The following ZFYVE16 variants were observed in gnomAD, a reference collection of about 807,000 sequenced individuals.
ZFYVE16 encodes zinc finger FYVE-type containing 16.
ZFYVE16 carries 89 observed loss-of-function variants against 138.1 expected under a neutral mutation model. The ratio of observed to expected loss-of-function variants is 0.64; its 90% CI spans 0.54 to 0.77. ZFYVE16 has a LOEUF of 0.77. ZFYVE16 is among the 30% of genes least tolerant of loss of function. ZFYVE16 has a pLI of 0.00. For synonymous variants in ZFYVE16, 596 were observed against 618.3 expected, an observed-to-expected ratio of 0.96 and a Z score of 0.53; for missense variants, 1,793 against 1,786.7, an observed-to-expected ratio of 1.00 and a Z score of -0.06.
At chr5:80,410,410 G>C (rs1745244407) in intron 1 of ZFYVE16, 1 of 151,936 alleles carries the variant, frequency 6.6e-6, no homozygotes, top group African/African-American at 2.4e-5. Flanking sequence ...GGCAATAAAT[G>C]GTATATGTTC....
At chr5:80,415,679 T>C (rs906189706) in intron 1 of ZFYVE16, among the ~76,000 whole-genome samples, 3 of 152,200 alleles carry the variant, frequency 2.0e-5, no homozygotes, top group African/African-American at 7.2e-5. Context: ...ACTTTTCTTT[T>C]TTTTTTGAGA....
chr5:80,424,912 A>C (rs1416121972), intron 1 of ZFYVE16, among the ~76,000 whole-genome samples: 1 of 152,206 alleles, frequency 6.6e-6, no homozygotes, highest in Non-Finnish European at 1.5e-5. Context: ...ATTCTTCTGA[A>C]GTGTACCTGT....
intron 12 of ZFYVE16, 29 bp downstream of exon 12, chr5:80,455,803 T>C: frequency 1.3e-6 from 2 of 1,517,362 alleles, no homozygotes; most frequent in Non-Finnish European, 1.8e-6. Context: ...TTATTAGGTA[T>C]TTTTATACTG....
chr5:80,443,696 C>A (rs1750981753), intron 6 of ZFYVE16: 2 of 456,696 alleles, frequency 4.4e-6, no homozygotes, highest in Non-Finnish European at 8.8e-6. Flanking sequence ...ATGAGTCTAG[C>A]AGCTGTATCT....
intron 1 of ZFYVE16, among the ~76,000 whole-genome samples, chr5:80,418,450 C>G (rs1459321957): frequency 6.6e-6 from 1 of 151,906 alleles, no homozygotes; most frequent in Non-Finnish European, 1.5e-5. Context: ...GTAGCTAGAA[C>G]TATAGGTATG....
At chr5:80,447,916 G>T (rs1011919010) in intron 7 of ZFYVE16, 110 bp from the exon 8 acceptor site, 3 of 1,010,032 alleles carry the variant, frequency 3.0e-6, no homozygotes, top group Non-Finnish European at 1.3e-6. Flanking sequence ...ACGCATTTTG[G>T]TTTTTATTTA....
chr5:80,443,130 A>T lies in ZFYVE16; in HGVS notation c.2427A>T (p.Ala809=). Residue 809 remains alanine, a synonymous_variant, in exon 6 of 19, where the codon GCA becomes GCT. Coordinates refer to ENST00000505560, the MANE Select transcript of ZFYVE16 (RefSeq NM_001284236.3). ...VCYETISKAQ[A]FERMMSPTGS... ...TTGTTTTCCCCTTTATAGCTCAGGC[A>T]TTTGAAAGGATGATGAGTCCAACTG... The T allele has an allele frequency of 6.5e-7, 1 of 1,545,628 alleles. No individual in the cohort carries two copies. The highest frequency in any genetic ancestry group is 8.6e-7 in the Non-Finnish European group (1 of 1,158,144).
At chr5:80,409,017 C>T (rs1745052166) in intron 1 of ZFYVE16, among the ~76,000 whole-genome samples, 1 of 152,128 alleles carries the variant, frequency 6.6e-6, no homozygotes, top group East Asian at 1.9e-4. Context: ...TATTAAACCG[C>T]ATGCTTAGTG....
rs6870486 is a variant in ZFYVE16, at chr5:80,432,923, C to A, written c.-39-1186C>A. Among the ~76,000 whole-genome samples the A allele has an allele frequency of 6.4e-3, 968 of 152,170 alleles. 10 individuals carry two copies. Among genetic ancestry groups the A allele is most frequent in the African/African-American group, 0.021 (878 of 41,522 alleles). On this transcript the variant is annotated intron_variant, in intron 2 of 18. Coordinates refer to ENST00000505560, the MANE Select transcript of ZFYVE16 (RefSeq NM_001284236.3). Reference sequence around the variant, plus strand: ...TCTCACACCAGTTAGAATGGCGATCCTTAAAAAGTCAGGAAACAGGTGCTG... The same window carrying A: ...TCTCACACCAGTTAGAATGGCGATCATTAAAAAGTCAGGAAACAGGTGCTG...
intron 1 of ZFYVE16, among the ~76,000 whole-genome samples, chr5:80,416,504 C>G (rs1277474109): frequency 2.3e-4 from 35 of 151,662 alleles, no homozygotes; most frequent in Non-Finnish European, 5.9e-5. Context: ...GATTGCCTGC[C>G]TCGGCCTCCC....
rs761651771 is a variant in ZFYVE16, at chr5:80,438,986, C to A, written c.2301C>A (p.His767Gln). The A allele has an allele frequency of 6.2e-7, 1 of 1,608,236 alleles. No homozygotes were observed. Among genetic ancestry groups the A allele is most frequent in the South Asian group, 1.1e-5 (1 of 90,424 alleles). The change falls in exon 4 of 19, where the codon CAC (histidine) becomes CAA (glutamine). Residue 767 changes from histidine (H) to glutamine (Q), a missense_variant. By Grantham distance (24) the His-to-Gln change is conservative (BLOSUM62 0). Around this residue, in one of 2 missense-constraint regions of ZFYVE16, gnomAD observed 1,295 missense variants for 1,204.3 expected, o/e 1.08. Coordinates refer to ENST00000505560, the MANE Select transcript of ZFYVE16 (RefSeq NM_001284236.3). ...QVKFTFTKRR[H>Q]HCRACGKVFC... ...AATTTACTTTTACCAAACGGCGACACCATTGCCGAGCATGTGGGAAAGTAA... is the reference window on the plus strand; with the variant it reads ...AATTTACTTTTACCAAACGGCGACAACATTGCCGAGCATGTGGGAAAGTAA...
Position 80,440,025 on chromosome 5 carries a change from T to C in ZFYVE16, c.2412T>C (p.Ile804=). 6.2e-7 allele frequency: 1 copy of C among 1,607,692 alleles called. No homozygotes were observed. Among genetic ancestry groups the C allele is most frequent in the Non-Finnish European group, 8.5e-7 (1 of 1,177,020 alleles). The change falls in exon 5 of 19, where the codon ATT becomes ATC. Residue 804 remains isoleucine, a synonymous_variant. Transcript: ENST00000505560. ...TATGTGTAGTCTGCTATGAAACTAT[T>C]AGTAAAGGTGAGTATTAACTTGATA... The part of the protein sequence containing the change: ...ARVCVVCYET[I]SKAQAFERMM...
chr5:80,418,318 C>T (rs1438082160), intron 1 of ZFYVE16, among the ~76,000 whole-genome samples: 2 of 144,356 alleles, frequency 1.4e-5, no homozygotes, highest in African/African-American at 2.6e-5. Context: ...CCTCCCCTCC[C>T]CCTCCTTTCT....
chr5:80,430,155 T>C (rs528792411), intron 2 of ZFYVE16, among the ~76,000 whole-genome samples: 3 of 152,256 alleles, frequency 2.0e-5, no homozygotes, highest in Admixed American at 6.5e-5. Context: ...ACCACCACAT[T>C]GCACTTATTC....
chr5:80,415,048 C>T (rs1056497215), intron 1 of ZFYVE16, among the ~76,000 whole-genome samples: 2 of 152,106 alleles, frequency 1.3e-5, no homozygotes, highest in Non-Finnish European at 1.5e-5. Context: ...TTCCTTCTTT[C>T]TGGACTTCTT....
rs1754602100 is a variant in ZFYVE16, at chr5:80,473,656, T to C, written c.4188-98T>C. The C allele has an allele frequency of 5.3e-6, 4 of 756,798 alleles. No individual in the cohort carries two copies. In the East Asian group the frequency reaches 1.2e-4, roughly 22 times the overall value. The allele number at this position is 756,798 out of a possible 1,614,324, so 46.9% of individuals were successfully genotyped here. A position where few individuals can be genotyped will look rare whatever the true frequency, so the allele number is the denominator to read the frequency against. On this transcript the variant is annotated intron_variant, in intron 16 of 18. Coordinates refer to ENST00000505560, the MANE Select transcript of ZFYVE16 (RefSeq NM_001284236.3). ...TTGTATATAATTGACATATCTTCTT[T>C]TATATTTTTTCCCTCATTCCATTTG...
At chr5:80,429,148 A>G (rs1441541941) in intron 2 of ZFYVE16, among the ~76,000 whole-genome samples, 1 of 152,212 alleles carries the variant, frequency 6.6e-6, no homozygotes. Flanking sequence ...CAAGACACAT[A>G]ATTGTCAGAT....
At chr5:80,430,811 C>T (rs1748891375) in intron 2 of ZFYVE16, among the ~76,000 whole-genome samples, 2 of 152,164 alleles carry the variant, frequency 1.3e-5, no homozygotes, top group South Asian at 4.2e-4. Context: ...CTATAAACAC[C>T]TCTACACAAA....
intron 6 of ZFYVE16, among the ~76,000 whole-genome samples, chr5:80,444,476 C>A (rs1751080410): frequency 6.7e-6 from 1 of 148,866 alleles, no homozygotes; most frequent in Admixed American, 6.7e-5. Flanking sequence ...ATTCTAAAAT[C>A]ATCTGGCAGA....
Sources: allele counts gnomAD v4.1 joint callset (sites outside exome capture counted in the v4.1 genomes callset), GRCh38; gene constraint gnomAD v4.1.1; regional missense constraint gnomAD v4.1.1; transcripts MANE v1.5; gene names NCBI Gene and HGNC (gene_info 2026-07-23, HGNC 2026-07-21).